Variants in GRIP1 observed in about 807,000 individuals in gnomAD.
The protein encoded by GRIP1 is glutamate receptor-interacting protein 1.
Under a neutral mutation model 129.9 loss-of-function variants are expected in GRIP1, and 45 were observed. The observed-to-expected ratio is 0.35, with a 90% CI of 0.27 to 0.44. The LOEUF (loss-of-function observed/expected upper bound fraction) is 0.44. GRIP1 is among the 20% of genes least tolerant of loss of function. The pLI is 1.00. For missense variants in GRIP1, 1,196 were observed against 1,396.8 expected (o/e 0.86, Z 2.29); for synonymous variants, 530 against 520.8 (o/e 1.02, Z -0.24).
intron 1 of GRIP1, among the ~76,000 whole-genome samples, chr12:67,061,330 C>T (rs1447946147): frequency 1.3e-5 from 2 of 152,206 alleles, no homozygotes; most frequent in Non-Finnish European, 2.9e-5. Context: ...TAGCTTTCAC[C>T]TCTAAGTATA....
intron 4 of GRIP1, among the ~76,000 whole-genome samples, chr12:66,533,457 C>A (rs894058846): frequency 6.6e-6 from 1 of 151,910 alleles, no homozygotes; most frequent in Non-Finnish European, 1.5e-5. Flanking sequence ...CCAGCCTGGT[C>A]AATGTGGTAA....
chr12:67,043,213 TC>T (rs374141072), intron 1 of GRIP1, among the ~76,000 whole-genome samples: 204 of 152,282 alleles, frequency 1.3e-3, no homozygotes, highest in African/African-American at 4.7e-3. Context: ...TTGGTTTTCA[TC>T]CTCCTGAAAG....
chr12:66,615,003 A>G (rs1261475128), intron 1 of GRIP1, among the ~76,000 whole-genome samples: 2 of 152,068 alleles, frequency 1.3e-5, no homozygotes, highest in Non-Finnish European at 2.9e-5. Flanking sequence ...GTTCCTATCC[A>G]TTAACTTATT....
chr12:66,969,724 T>G (rs986685943), intron 1 of GRIP1, among the ~76,000 whole-genome samples: 2 of 152,124 alleles, frequency 1.3e-5, no homozygotes, highest in Non-Finnish European at 2.9e-5. Context: ...GCTCTTTTTT[T>G]TCCCATTCTT....
intron 1 of GRIP1, among the ~76,000 whole-genome samples, chr12:66,846,202 C>T (rs1182540879): frequency 2.0e-5 from 3 of 152,308 alleles, no homozygotes; most frequent in African/African-American, 7.2e-5. Flanking sequence ...CCTCCTTCTT[C>T]AATGAGATCT....
chr12:66,974,456 A>G (rs998339168), intron 1 of GRIP1, among the ~76,000 whole-genome samples: 3 of 152,216 alleles, frequency 2.0e-5, no homozygotes, highest in African/African-American at 7.2e-5. Context: ...TTCAACATCT[A>G]GAACACTGCC....
chr12:66,902,966 A>C (rs1440009507), intron 1 of GRIP1, among the ~76,000 whole-genome samples: 1 of 152,190 alleles, frequency 6.6e-6, no homozygotes, highest in Non-Finnish European at 1.5e-5. Flanking sequence ...TGTTTTTCAG[A>C]CCATGGAGTT....
chr12:66,596,941 A>G lies in GRIP1; in HGVS notation c.56-14T>C. The G allele has an allele frequency of 6.3e-7, 1 of 1,578,246 alleles. No homozygotes were observed. The highest frequency in any genetic ancestry group is 1.1e-5 in the South Asian group (1 of 90,344). On this transcript the variant is annotated splice_polypyrimidine_tract_variant and intron_variant, in intron 1 of 24. Coordinates refer to ENST00000359742, the MANE Select transcript of GRIP1 (RefSeq NM_001366722.1). ...AGGGACTCTCATCTGCAAAGGTACA[A>G]TGAAGCGTTTGGTTAATTTCCATCC...
chr12:66,891,664 A>AT (rs2040661043), intron 1 of GRIP1, among the ~76,000 whole-genome samples: 1 of 152,206 alleles, frequency 6.6e-6, no homozygotes, highest in East Asian at 1.9e-4. Flanking sequence ...GACGACAAGG[A>AT]TAAAAACCAT....
intron 1 of GRIP1, among the ~76,000 whole-genome samples, chr12:66,964,550 T>C (rs1202863391): frequency 1.3e-5 from 2 of 152,124 alleles, no homozygotes; most frequent in Non-Finnish European, 2.9e-5. Flanking sequence ...CTACTTAAAG[T>C]TCTCTTCCCA....
intron 1 of GRIP1, among the ~76,000 whole-genome samples, chr12:67,061,031 G>A (rs1311183089): frequency 2.0e-5 from 3 of 152,140 alleles, no homozygotes; most frequent in East Asian, 1.9e-4. Flanking sequence ...TCCAGCTGCA[G>A]CCAGAAATGA....
intron 1 of GRIP1, among the ~76,000 whole-genome samples, chr12:67,018,602 G>A (rs1165155975): frequency 6.6e-6 from 1 of 152,052 alleles, no homozygotes; most frequent in African/African-American, 2.4e-5. Flanking sequence ...ATTACTTCTT[G>A]TGTCAGGTTC....
chr12:66,713,156 T>G (rs1015312318), intron 1 of GRIP1, among the ~76,000 whole-genome samples: 3 of 152,034 alleles, frequency 2.0e-5, no homozygotes, highest in African/African-American at 7.2e-5. Context: ...TTTATTAATT[T>G]TTGTCTTTAT....
At chr12:66,452,906 T>C (rs2058848845) in intron 11 of GRIP1, among the ~76,000 whole-genome samples, 1 of 152,224 alleles carries the variant, frequency 6.6e-6, no homozygotes, top group Non-Finnish European at 1.5e-5. Flanking sequence ...TCAGGTCTTT[T>C]TGAAGTGTGA....
chr12:66,784,479 C>T (rs2038256692), intron 1 of GRIP1, among the ~76,000 whole-genome samples: 1 of 152,164 alleles, frequency 6.6e-6, no homozygotes, highest in East Asian at 1.9e-4. Flanking sequence ...GTTAGCTTAA[C>T]AGTTGGCAGG....
intron 24 of GRIP1, among the ~76,000 whole-genome samples, chr12:66,352,078 C>T (rs535115585): frequency 6.6e-6 from 1 of 152,272 alleles, no homozygotes; most frequent in African/African-American, 2.4e-5. Context: ...CTGTGCAGTA[C>T]TGAGCACTTT....
At chr12:66,676,770 G>A (rs996162836) in intron 1 of GRIP1, among the ~76,000 whole-genome samples, 1 of 152,128 alleles carries the variant, frequency 6.6e-6, no homozygotes, top group African/African-American at 2.4e-5. Flanking sequence ...ATACACTCCT[G>A]ACCCTAAAAG....
chr12:66,548,770 A>G (rs1230233644), intron 2 of GRIP1, among the ~76,000 whole-genome samples: 2 of 152,206 alleles, frequency 1.3e-5, no homozygotes, highest in African/African-American at 4.8e-5. Context: ...TCTAGAAAAC[A>G]GGAAGTTTGT....
intron 1 of GRIP1, among the ~76,000 whole-genome samples, chr12:66,834,863 C>T (rs12304314): frequency 0.064 from 8,891 of 139,376 alleles, 912 homozygotes; most frequent in African/African-American, 0.22. Flanking sequence ...CAAGGCTATA[C>T]GAGCTATGCT....
Sources: gnomAD v4.1 joint callset for allele counts (sites outside exome capture counted in the v4.1 genomes callset) on GRCh38, gnomAD v4.1.1 for gene constraint, MANE v1.5 for transcripts, NCBI Gene and HGNC (gene_info 2026-07-23, HGNC 2026-07-21) for gene names.